ENPP3: variants seen among roughly 807,000 people sequenced by gnomAD.
The protein encoded by ENPP3 is ectonucleotide pyrophosphatase/phosphodiesterase 3, also known as ectonucleotide pyrophosphatase/phosphodiesterase family member 3.
In ENPP3, 104 loss-of-function variants were observed where a neutral mutation model predicts 117.8. The observed-to-expected ratio is 0.88, with a 90% confidence interval of 0.75 to 1.04. ENPP3 has a LOEUF of 1.04. ENPP3 is among the 50% of genes least tolerant of loss of function. ENPP3 has a pLI of 0.00. For missense variants in ENPP3, 1,026 were observed against 1,051.9 expected (o/e 0.98, Z 0.34); for synonymous variants, 380 against 349.9 (o/e 1.09, Z -0.96).
chr6:131,645,915 C>T (rs901158240), intron 2 of ENPP3, among the ~76,000 whole-genome samples: 4 of 152,102 alleles, frequency 2.6e-5, no homozygotes, highest in Non-Finnish European at 4.4e-5. Context: ...TAATAATTTA[C>T]GCTCTTCAAT....
chr6:131,693,963 A>T (rs1201283814), intron 15 of ENPP3, among the ~76,000 whole-genome samples: 1 of 152,198 alleles, frequency 6.6e-6, no homozygotes, highest in East Asian at 1.9e-4. Flanking sequence ...ATAATGAGTG[A>T]TTGATTACAC....
intron 23 of ENPP3, 46 bp downstream of exon 23, chr6:131,738,209 G>T (rs759470006): frequency 6.7e-6 from 10 of 1,496,124 alleles, no homozygotes; most frequent in Middle Eastern, 1.7e-4. Context: ...CTCATGAGGG[G>T]AAATTCCAAT....
intron 24 of ENPP3, among the ~76,000 whole-genome samples, chr6:131,745,105 T>C (rs920012736): frequency 1.3e-5 from 2 of 152,006 alleles, no homozygotes; most frequent in African/African-American, 4.8e-5. Flanking sequence ...GCCAAGTAAG[T>C]CAGGAGAGAG....
chr6:131,677,666 C>A (rs1585653982), intron 10 of ENPP3, among the ~76,000 whole-genome samples: 1 of 152,078 alleles, frequency 6.6e-6, no homozygotes, highest in Non-Finnish European at 1.5e-5. Flanking sequence ...CTGCTTGTAT[C>A]TGGGAAGGTC....
In ENPP3 at chr6:131,733,669, T is replaced by A; in HGVS notation, c.2035T>A (p.Cys679Ser). 10 of 1,614,154 alleles carry A rather than the reference T, an allele frequency of 6.2e-6. No homozygotes were observed. The highest frequency in any genetic ancestry group is 8.5e-6 in the Non-Finnish European group (10 of 1,180,010). The change falls in exon 21 of 25, where the codon TGT (cysteine) becomes AGT (serine). Residue 679 changes from cysteine to serine, a missense_variant. Coordinates refer to ENST00000357639, the MANE Select transcript of ENPP3 (RefSeq NM_005021.5). ...GGTTCCTCCTTCTGAGAGCCAAAAATGTTCCTTCTATTTAGCAGACAAGAA... is the reference window on the plus strand; with the variant it reads ...GGTTCCTCCTTCTGAGAGCCAAAAAAGTTCCTTCTATTTAGCAGACAAGAA... ...VRVPPSESQK[C>S]SFYLADKNIT...
chr6:131,724,875 G>T (rs1330606121), intron 19 of ENPP3, among the ~76,000 whole-genome samples: 1 of 151,660 alleles, frequency 6.6e-6, no homozygotes, highest in East Asian at 1.9e-4. Flanking sequence ...TTGCTATTAG[G>T]TTGGTGCAAA....
chr6:131,652,577 G>A lies in ENPP3; in HGVS notation c.313G>A (p.Glu105Lys). 6.2e-7 allele frequency: 1 copy of A among 1,614,012 alleles called. No individual in the cohort carries two copies. The highest frequency in any genetic ancestry group is 8.5e-7 in the Non-Finnish European group (1 of 1,179,912). ...IWMCNKFRCGETRLEASLCSC... is the reference protein window; with the variant it reads ...IWMCNKFRCGKTRLEASLCSC... ...GATGTGCAATAAATTTCGTTGTGGA[G>A]AGACCAGATTAGAGGCCAGCCTTTG... Residue 105 changes from glutamate to lysine, a missense_variant, in exon 4 of 25, where the codon GAG becomes AAG. Transcript: ENST00000357639.
chr6:131,646,692 C>T (rs1163122259), intron 2 of ENPP3, among the ~76,000 whole-genome samples: 1 of 151,060 alleles, frequency 6.6e-6, no homozygotes, highest in Non-Finnish European at 1.5e-5. Flanking sequence ...TTTTTTCTTA[C>T]CTAACGACAC....
At chr6:131,652,992 T>A (rs1008027053) in intron 5 of ENPP3, 101 bp downstream of exon 5, 1 of 772,008 alleles carries the variant, frequency 1.3e-6, no homozygotes, top group Admixed American at 2.2e-5. Flanking sequence ...CCAATTCATG[T>A]ACATTTCAAA....
intron 14 of ENPP3, among the ~76,000 whole-genome samples, chr6:131,688,916 A>C (rs886975434): frequency 2.7e-5 from 4 of 147,734 alleles, no homozygotes; most frequent in Non-Finnish European, 5.9e-5. Flanking sequence ...AAAAAAAAAA[A>C]ATAGCCAGGC....
intron 24 of ENPP3, among the ~76,000 whole-genome samples, chr6:131,744,938 G>C (rs1474451143): frequency 6.6e-6 from 1 of 152,126 alleles, no homozygotes; most frequent in Non-Finnish European, 1.5e-5. Flanking sequence ...GCTGGCTTCT[G>C]TTCAGATTAG....
intron 5 of ENPP3, 129 bp downstream of exon 5, chr6:131,653,020 G>C (rs572268794): frequency 1.8e-6 from 1 of 547,046 alleles, no homozygotes; most frequent in South Asian, 3.7e-5. Context: ...AGTCCACAAA[G>C]GATTAGATTT....
At chr6:131,746,347 G>A (rs927100610) in intron 24 of ENPP3, among the ~76,000 whole-genome samples, 2 of 151,758 alleles carry the variant, frequency 1.3e-5, no homozygotes, top group African/African-American at 2.4e-5. Flanking sequence ...CGTTAATACC[G>A]AATGAAAAAA....
intron 15 of ENPP3, among the ~76,000 whole-genome samples, chr6:131,717,163 A>G (rs12206403): frequency 0.081 from 12,237 of 151,924 alleles, 961 homozygotes; most frequent in East Asian, 0.33. Flanking sequence ...TACTGGGTAG[A>G]GTTGAGTGAG....
intron 13 of ENPP3, 118 bp downstream of exon 13, chr6:131,685,613 C>T (rs1438015013): frequency 1.0e-6 from 1 of 961,086 alleles, no homozygotes. Context: ...CTTGAGAAGA[C>T]CACAGAGAAA....
intron 11 of ENPP3, among the ~76,000 whole-genome samples, chr6:131,678,899 T>TTCTTTCTC (rs1778930783): frequency 2.1e-5 from 3 of 143,936 alleles, no homozygotes; most frequent in East Asian, 2.0e-4. Context: ...TTCCCTTTCT[T>TTCTTTCTC]TCTTTCTCTC....
intron 21 of ENPP3, among the ~76,000 whole-genome samples, chr6:131,736,929 G>A (rs1048381830): frequency 1.3e-5 from 2 of 152,068 alleles, no homozygotes; most frequent in Admixed American, 6.6e-5. Context: ...ATTGCTTGGC[G>A]TGTACTGGTA....
In ENPP3 at chr6:131,637,303, T is replaced by C; in HGVS notation, c.-82T>C. The C allele has an allele frequency of 3.7e-6, 3 of 815,872 alleles. No individual in the cohort carries two copies. Among genetic ancestry groups the C allele is most frequent in the Non-Finnish European group, 5.7e-6 (3 of 527,566 alleles). 50.5% of individuals were successfully genotyped at this position (815,872 alleles called of 1,614,324 possible). On this transcript the variant is annotated 5_prime_UTR_variant, in exon 1 of 25. Coordinates refer to ENST00000357639, the MANE Select transcript of ENPP3 (RefSeq NM_005021.5). ...AAGTCAGGCACAGCTATGTAACTCA[T>C]ACAGTTTCTCTTTGCCAGACTAGAC...
At chr6:131,744,595 A>G (rs1780593945) in intron 24 of ENPP3, among the ~76,000 whole-genome samples, 1 of 152,210 alleles carries the variant, frequency 6.6e-6, no homozygotes, top group Non-Finnish European at 1.5e-5. Context: ...AACTAATTGA[A>G]AAGCCTGAGG....
Sources: gnomAD v4.1 joint callset for allele counts (sites outside exome capture counted in the v4.1 genomes callset) on GRCh38, gnomAD v4.1.1 for gene constraint, MANE v1.5 for transcripts, NCBI Gene and HGNC (gene_info 2026-07-23, HGNC 2026-07-21) for gene names.